Variants in TMEM132D observed in about 807,000 individuals in gnomAD.
TMEM132D encodes transmembrane protein 132D.
Under a neutral mutation model 62.3 loss-of-function variants are expected in TMEM132D, and 21 were observed. That is an observed-to-expected ratio of 0.34 (90% confidence interval 0.24 to 0.49). The LOEUF (loss-of-function observed/expected upper bound fraction) is 0.49. Among genes scored for constraint, TMEM132D ranks in the 20% least tolerant of loss-of-function variants. The pLI is 0.99. For missense variants in TMEM132D, 1,346 were observed against 1,402.8 expected (o/e 0.96, Z 0.65); for synonymous variants, 621 against 575.6 (o/e 1.08, Z -1.13).
At chr12:129,114,430 T>TTCCTCCC (rs1875825945) in intron 5 of TMEM132D, among the ~76,000 whole-genome samples, 1 of 149,558 alleles carries the variant, frequency 6.7e-6, no homozygotes, top group South Asian at 2.1e-4. Flanking sequence ...CCTTCCCTCC[T>TTCCTCCC]TCCTCCCTCC....
intron 2 of TMEM132D, among the ~76,000 whole-genome samples, chr12:129,574,037 T>C (rs897285717): frequency 1.3e-5 from 2 of 151,956 alleles, no homozygotes; most frequent in Admixed American, 6.5e-5. Context: ...TTGGAACTCA[T>C]CAATTGGTAC....
intron 1 of TMEM132D, among the ~76,000 whole-genome samples, chr12:129,711,256 C>T (rs951714939): frequency 2.0e-5 from 3 of 152,204 alleles, no homozygotes; most frequent in Non-Finnish European, 2.9e-5. Context: ...AAAACCTTGG[C>T]GCCATGCATG....
intron 3 of TMEM132D, among the ~76,000 whole-genome samples, chr12:129,497,820 C>T (rs1875006453): frequency 6.6e-6 from 1 of 152,082 alleles, no homozygotes; most frequent in African/African-American, 2.4e-5. Flanking sequence ...CTACCATGCC[C>T]AGCTAATTTT....
intron 3 of TMEM132D, among the ~76,000 whole-genome samples, chr12:129,474,468 TC>T (rs1400093480): frequency 6.6e-6 from 1 of 152,152 alleles, no homozygotes; most frequent in Non-Finnish European, 1.5e-5. Flanking sequence ...ACAAGTAGGA[TC>T]ACTGGTGCTC....
chr12:129,814,849 A>C (rs1593172568), intron 1 of TMEM132D, among the ~76,000 whole-genome samples: 1 of 152,014 alleles, frequency 6.6e-6, no homozygotes, highest in East Asian at 1.9e-4. Flanking sequence ...TTCTCCTGCT[A>C]TCCATTTAAT....
chr12:129,608,838 C>G (rs188572802), intron 2 of TMEM132D, among the ~76,000 whole-genome samples: 6 of 152,172 alleles, frequency 3.9e-5, no homozygotes, highest in Non-Finnish European at 8.8e-5. Flanking sequence ...AAAGTTCACT[C>G]GCACTCAAAT....
intron 2 of TMEM132D, among the ~76,000 whole-genome samples, chr12:129,563,050 C>A (rs1226139648): frequency 6.6e-6 from 1 of 152,154 alleles, no homozygotes; most frequent in Non-Finnish European, 1.5e-5. Flanking sequence ...ATCAAGATAG[C>A]CCTGGCCTTG....
intron 2 of TMEM132D, among the ~76,000 whole-genome samples, chr12:129,585,644 T>TA (rs1350589901): frequency 6.6e-6 from 1 of 152,206 alleles, no homozygotes; most frequent in Admixed American, 6.5e-5. Flanking sequence ...AAAATTTCAT[T>TA]AATTTTTATC....
intron 3 of TMEM132D, among the ~76,000 whole-genome samples, chr12:129,355,249 A>G (rs909301575): frequency 1.3e-5 from 2 of 152,238 alleles, no homozygotes; most frequent in African/African-American, 2.4e-5. Context: ...AGAGCTAAGT[A>G]TTTGAGATGC....
In TMEM132D at chr12:129,642,446, A is replaced by C. The variant is rs1879663932; in HGVS notation, c.968+57364T>G. On this transcript the variant is annotated intron_variant, in intron 2 of 8. Transcript: ENST00000422113. ...CTTCACAGTGGCCAGATCAACCAGT[A>C]AACTCTCTCCTGCCACCCTGTCACT... Among the ~76,000 whole-genome samples the C allele has an allele frequency of 1.3e-5, 2 of 152,142 alleles. 1 individual carries two copies. The highest frequency in any genetic ancestry group is 4.1e-4 in the South Asian group (2 of 4,822).
chr12:129,507,803 A>G (rs1049570688), intron 3 of TMEM132D, among the ~76,000 whole-genome samples: 7 of 152,314 alleles, frequency 4.6e-5, no homozygotes, highest in South Asian at 4.1e-4. Context: ...ACAAATCACC[A>G]CTAAAGAACT....
chr12:129,170,047 A>T lies in TMEM132D; in HGVS notation c.1443+39473T>A, dbSNP rs143947539. On this transcript the variant is annotated intron_variant, in intron 5 of 8. Transcript: ENST00000422113. ...CATGTCTACACTTTTCAGATGCCAC[A>T]CTGGACCACGGCCAGGGCTTAATTG... 3.3e-5 allele frequency: 5 copies of T among 152,330 alleles called. No individual in the cohort carries two copies. The East Asian group carries it at 9.6e-4, about 29-fold the overall frequency. 9.4% of individuals were successfully genotyped at this position (152,330 alleles called of 1,614,324 possible).
At position 129,326,065 on chromosome 12, in the gene TMEM132D, G is replaced by A. The variant is rs933560109; in HGVS notation, c.1299+11569C>T. ...GCTCATGACAGGGATTAACAGGCTC[G>A]GGGCTGACCTATCAAACCTGAGATC... On this transcript the variant is annotated intron_variant, in intron 4 of 8. Coordinates refer to ENST00000422113, the MANE Select transcript of TMEM132D (RefSeq NM_133448.3). 2.6e-5 allele frequency among the ~76,000 whole-genome samples: 4 copies of A among 152,232 alleles called. No homozygotes were observed. In the East Asian group the frequency reaches 7.7e-4, roughly 29 times the overall value.
At chr12:129,436,545 C>T (rs921409770) in intron 3 of TMEM132D, among the ~76,000 whole-genome samples, 11 of 152,086 alleles carry the variant, frequency 7.2e-5, no homozygotes, top group African/African-American at 2.2e-4. Context: ...GTGATAGTGA[C>T]GATTCAACAA....
At chr12:129,226,897 TA>T (rs755807999) in intron 4 of TMEM132D, among the ~76,000 whole-genome samples, 12 of 152,212 alleles carry the variant, frequency 7.9e-5, no homozygotes, top group Non-Finnish European at 1.6e-4. Context: ...TGTCTGGGAA[TA>T]AGGTCTCCTT....
chr12:129,294,158 T>C (rs1470101936), intron 4 of TMEM132D, among the ~76,000 whole-genome samples: 2 of 152,256 alleles, frequency 1.3e-5, no homozygotes, highest in African/African-American at 2.4e-5. Flanking sequence ...GGGAAGTATA[T>C]GAACTAAAGT....
intron 1 of TMEM132D, among the ~76,000 whole-genome samples, chr12:129,719,253 TG>T (rs1868721410): frequency 6.6e-6 from 1 of 152,028 alleles, no homozygotes; most frequent in Admixed American, 6.6e-5. Flanking sequence ...AGTGAGACCC[TG>T]TCTCAAAAAA....
At chr12:129,219,456 C>T (rs1460518533) in intron 4 of TMEM132D, among the ~76,000 whole-genome samples, 3 of 152,144 alleles carry the variant, frequency 2.0e-5, no homozygotes, top group Non-Finnish European at 4.4e-5. Flanking sequence ...GACAAGTCTT[C>T]GCTCACATGG....
At chr12:129,902,084 G>C (rs1355697380) in intron 1 of TMEM132D, among the ~76,000 whole-genome samples, 3 of 152,110 alleles carry the variant, frequency 2.0e-5, no homozygotes, top group Non-Finnish European at 4.4e-5. Flanking sequence ...GGGAAGGAGG[G>C]GGAACGTAAA....
Sources: allele counts gnomAD v4.1 joint callset (sites outside exome capture counted in the v4.1 genomes callset), GRCh38; gene constraint gnomAD v4.1.1; transcripts MANE v1.5; gene names NCBI Gene and HGNC (gene_info 2026-07-23, HGNC 2026-07-21).